Variants in DOT1L observed in about 807,000 individuals in gnomAD.
DOT1L encodes DOT1 like histone lysine methyltransferase.
Under a neutral mutation model 153.3 loss-of-function variants are expected in DOT1L, and 33 were observed. The ratio of observed to expected loss-of-function variants is 0.22; its 90% confidence interval spans 0.16 to 0.29. The LOEUF (loss-of-function observed/expected upper bound fraction) is 0.29. Ranked by LOEUF, DOT1L falls within the 10% of genes least tolerant of loss-of-function variation. The pLI, the probability that DOT1L is intolerant of heterozygous loss-of-function variation, is 1.00. For missense variants in DOT1L, 1,847 were observed against 2,119.9 expected, an observed-to-expected ratio of 0.87 and a Z score of 2.53; for synonymous variants, 1,135 against 965.1, an observed-to-expected ratio of 1.18 and a Z score of -3.26.
At chr19:2,172,858 A>G (rs1200528514) in intron 1 of DOT1L, among the ~76,000 whole-genome samples, 1 of 151,994 alleles carries the variant, frequency 6.6e-6, no homozygotes, top group Admixed American at 6.6e-5. Flanking sequence ...CACGTATCAT[A>G]AAGTTCACCT....
chr19:2,216,244 C>T (rs373453217), intron 19 of DOT1L, 37 bp from the exon 20 acceptor site: 286 of 1,530,924 alleles, frequency 1.9e-4, no homozygotes, highest in African/African-American at 9.0e-4. Context: ...AGTGGTCCCC[C>T]GGTGGGGCGG....
intron 6 of DOT1L, 67 bp from the exon 7 acceptor site, chr19:2,194,448 G>A: frequency 6.3e-7 from 1 of 1,591,984 alleles, no homozygotes; most frequent in Non-Finnish European, 8.6e-7. Context: ...CGGGATTACA[G>A]GCGTGAGCCA....
At chr19:2,216,172 C>T (rs1276612878) in intron 19 of DOT1L, 109 bp from the exon 20 acceptor site, 1 of 1,455,668 alleles carries the variant, frequency 6.9e-7, no homozygotes, top group African/African-American at 1.4e-5. Flanking sequence ...CCATCCCACA[C>T]AAGCAGCGGG....
At chr19:2,229,210 G>A in intron 27 of DOT1L, 1 of 985,482 alleles carries the variant, frequency 1.0e-6, no homozygotes, top group Non-Finnish European at 1.2e-6. Context: ...TCCCCCAAGA[G>A]GCTGTGGAGA....
chr19:2,175,307 T>C (rs2021871984), intron 1 of DOT1L, among the ~76,000 whole-genome samples: 3 of 151,950 alleles, frequency 2.0e-5, no homozygotes, highest in Admixed American at 6.6e-5. Context: ...GGCCGATATT[T>C]TGTATCTTTT....
Position 2,217,693 on chromosome 19 carries a change from C to T in DOT1L, c.2545-79C>T, listed in dbSNP as rs982360475. On this transcript the variant is annotated intron_variant, in intron 21 of 27. Coordinates refer to ENST00000398665, the MANE Select transcript of DOT1L (RefSeq NM_032482.3). The surrounding 1 kb of genome is among the most constrained non-coding windows in gnomAD (Gnocchi z 7.3). ...GCCGCCTTGAGAGAGCTGTAGCAGGCCCCCGTCCTGTGGCTGTGGTCCCTG... is the reference window on the plus strand; with the variant it reads ...GCCGCCTTGAGAGAGCTGTAGCAGGTCCCCGTCCTGTGGCTGTGGTCCCTG... 1.3e-5 allele frequency: 20 copies of T among 1,526,020 alleles called. No individual in the cohort carries two copies. The highest frequency in any genetic ancestry group is 1.2e-4 in the African/African-American group (9 of 72,714). The allele number at this position is 1,526,020 out of a possible 1,614,324, so 94.5% of individuals were successfully genotyped here.
chr19:2,196,111 G>A (rs143761611), intron 7 of DOT1L, among the ~76,000 whole-genome samples: 7 of 152,378 alleles, frequency 4.6e-5, no homozygotes, highest in Admixed American at 1.3e-4. Flanking sequence ...ACGAGTGGGC[G>A]TGCGTCCTGC....
chr19:2,176,317 C>T (rs987115054), intron 1 of DOT1L, among the ~76,000 whole-genome samples: 3 of 152,142 alleles, frequency 2.0e-5, no homozygotes, highest in African/African-American at 7.2e-5. Flanking sequence ...GGTGCACTGC[C>T]TGGTGGGGAC....
chr19:2,224,772 T>G (rs535432163), intron 25 of DOT1L, among the ~76,000 whole-genome samples: 5 of 152,298 alleles, frequency 3.3e-5, no homozygotes, highest in East Asian at 1.9e-4. Context: ...TTTGGTGGTG[T>G]TCTGTGTTAG....
chr19:2,221,980 C>T lies in DOT1L; in HGVS notation c.2811C>T (p.Phe937=). Residue 937 remains phenylalanine (F), a synonymous_variant, in exon 24 of 28, where the codon TTC becomes TTT. Coordinates refer to ENST00000398665, the MANE Select transcript of DOT1L (RefSeq NM_032482.3). ...CCCCCATGTCCTTCCCGGCAGGCTT[C>T]TCCTACGCTGGCTCGGTGGCCATCA... is the stretch of plus-strand genomic sequence containing the variant. ...SRSLALAPAG[F]SYAGSVAISG... 6.2e-7 allele frequency: 1 copy of T among 1,605,982 alleles called. No individual in the cohort carries two copies. Among genetic ancestry groups the T allele is most frequent in the Non-Finnish European group, 8.5e-7 (1 of 1,176,136 alleles).
chr19:2,168,966 G>T (rs2020027862), intron 1 of DOT1L, among the ~76,000 whole-genome samples: 1 of 152,154 alleles, frequency 6.6e-6, no homozygotes, highest in Admixed American at 6.5e-5. Flanking sequence ...AGTGGGAAGG[G>T]CACAAGTGGC....
chr19:2,228,994 G>A (rs1239705174), intron 27 of DOT1L: 7 of 985,316 alleles, frequency 7.1e-6, no homozygotes, highest in African/African-American at 7.0e-5. Flanking sequence ...TGTGCCCTGC[G>A]TGTTGAGGCC....
Position 2,204,405 on chromosome 19 carries a change from C to G in DOT1L, c.787+1626C>G, listed in dbSNP as rs578182402. 6.6e-6 allele frequency among the ~76,000 whole-genome samples: 1 copy of G among 152,000 alleles called. No homozygotes were observed. Among genetic ancestry groups the G allele is most frequent in the Admixed American group, 6.6e-5 (1 of 15,264 alleles). Reference sequence around the variant, plus strand: ...GTGGTGTTTCTGACTTATCTTAGAACCACGTGAGGACACCATGCTTCCCCG... The same window carrying G: ...GTGGTGTTTCTGACTTATCTTAGAAGCACGTGAGGACACCATGCTTCCCCG... On this transcript the variant is annotated intron_variant, in intron 9 of 27. Coordinates refer to ENST00000398665, the MANE Select transcript of DOT1L (RefSeq NM_032482.3). This position sits in a 1 kb window ranked among gnomAD's most constrained non-coding sequence, Gnocchi z 5.7.
In DOT1L at chr19:2,226,667, G is replaced by A. The variant is rs1294836102; in HGVS notation, c.4146G>A (p.Glu1382=). ...ACGGCCTGGCTGGGCTGAAGGGCGA[G>A]GGCAGCCGCGGCAAGGAGGCAGGGG... The part of the protein sequence containing the change: ...QLDGLAGLKG[E]GSRGKEAGEG... The change falls in exon 27 of 28, where the codon GAG becomes GAA. Residue 1382 remains glutamate (E), a synonymous_variant. Coordinates refer to ENST00000398665, the MANE Select transcript of DOT1L (RefSeq NM_032482.3). The A allele has an allele frequency of 6.3e-7, 1 of 1,577,940 alleles. No homozygotes were observed. The highest frequency in any genetic ancestry group is 8.6e-7 in the Non-Finnish European group (1 of 1,165,966).
chr19:2,168,458 G>A (rs988131786), intron 1 of DOT1L, among the ~76,000 whole-genome samples: 2 of 152,326 alleles, frequency 1.3e-5, no homozygotes, highest in African/African-American at 2.4e-5. Flanking sequence ...GGGGCCATCC[G>A]GAGGAGGAAG....
At chr19:2,187,719 G>A (rs540147618) in intron 3 of DOT1L, among the ~76,000 whole-genome samples, 12 of 152,220 alleles carry the variant, frequency 7.9e-5, no homozygotes, top group South Asian at 2.1e-4. Context: ...TCAGGAGATC[G>A]AGACCATCCT....
intron 2 of DOT1L, among the ~76,000 whole-genome samples, chr19:2,184,091 C>T (rs956495086): frequency 4.6e-5 from 7 of 152,190 alleles, no homozygotes; most frequent in South Asian, 2.1e-4. Context: ...GAAGACCGTG[C>T]GGCCGCTCCT....
intron 27 of DOT1L, chr19:2,227,944 C>T (rs1362038262): frequency 1.6e-6 from 2 of 1,216,016 alleles, no homozygotes; most frequent in East Asian, 1.4e-4. Context: ...CTGCCCCCGC[C>T]TGCGCACCTG....
At chr19:2,199,353 G>A (rs556945256) in intron 7 of DOT1L, among the ~76,000 whole-genome samples, 3 of 152,358 alleles carry the variant, frequency 2.0e-5, no homozygotes, top group East Asian at 3.9e-4. Context: ...TGTGGTTGGT[G>A]AGGGAGGGAC....
Sources: allele counts gnomAD v4.1 joint callset (sites outside exome capture counted in the v4.1 genomes callset), GRCh38; gene constraint gnomAD v4.1.1; non-coding constraint Gnocchi (gnomAD v3.1); transcripts MANE v1.5; gene names NCBI Gene and HGNC (gene_info 2026-07-23, HGNC 2026-07-21).